WASHC3: variants seen among roughly 807,000 people sequenced by gnomAD.
WASHC3 encodes WASH complex subunit CCDC53.
Under a neutral mutation model 26.1 loss-of-function variants are expected in WASHC3, and 24 were observed. That is an observed-to-expected ratio of 0.92 (90% CI 0.66 to 1.29). WASHC3 has a LOEUF of 1.29. Ranked by LOEUF, WASHC3 falls within the 50% of genes most tolerant of loss-of-function variation. WASHC3 has a pLI of 0.00. For synonymous variants in WASHC3, 77 were observed against 75.7 expected (o/e 1.02, Z -0.09); for missense variants, 214 against 229.6 (o/e 0.93, Z 0.44).
At chr12:102,014,075 CTTTTTTTTTTT>C (rs1189181874) in intron 6 of WASHC3, among the ~76,000 whole-genome samples, 2 of 88,708 alleles carry the variant, frequency 2.3e-5, no homozygotes, top group African/African-American at 4.4e-5. Context: ...ACTGCTACAT[CTTTTTTTTTTT>C]TTTTTTTTTT....
chr12:102,041,490 GA>G (rs2136669091), intron 4 of WASHC3, among the ~76,000 whole-genome samples: 1 of 152,124 alleles, frequency 6.6e-6, no homozygotes, highest in South Asian at 2.1e-4. Flanking sequence ...TCTGAACCAT[GA>G]AATTAAAGTT....
At chr12:102,036,116 T>C (rs2121389388) in intron 5 of WASHC3, among the ~76,000 whole-genome samples, 1 of 152,068 alleles carries the variant, frequency 6.6e-6, no homozygotes, top group East Asian at 1.9e-4. Flanking sequence ...TCCCAGCACT[T>C]TGGGAGGCTG....
At chr12:102,041,622 A>G (rs1244016652) in intron 4 of WASHC3, among the ~76,000 whole-genome samples, 1 of 152,086 alleles carries the variant, frequency 6.6e-6, no homozygotes, top group African/African-American at 2.4e-5. Flanking sequence ...TGAGTTGACT[A>G]TAATGTCAAT....
chr12:102,051,748 A>G (rs987148788), intron 2 of WASHC3, among the ~76,000 whole-genome samples: 7 of 152,240 alleles, frequency 4.6e-5, no homozygotes, highest in African/African-American at 1.4e-4. Flanking sequence ...TGAATGACTA[A>G]GCAAATGATT....
intron 5 of WASHC3, among the ~76,000 whole-genome samples, chr12:102,036,950 T>C (rs1877689088): frequency 6.6e-6 from 1 of 152,236 alleles, no homozygotes; most frequent in East Asian, 1.9e-4. Flanking sequence ...AACAACTATT[T>C]ATTTTCTTAA....
intron 2 of WASHC3, among the ~76,000 whole-genome samples, chr12:102,055,796 A>T (rs1374232788): frequency 6.6e-6 from 1 of 152,170 alleles, no homozygotes; most frequent in Non-Finnish European, 1.5e-5. Flanking sequence ...TTAGATGAGA[A>T]TTTTTTGTTT....
chr12:102,058,566 A>G, intron 2 of WASHC3, among the ~76,000 whole-genome samples: 1 of 152,134 alleles, frequency 6.6e-6, no homozygotes, highest in Non-Finnish European at 1.5e-5. Flanking sequence ...TTTGGAAACC[A>G]TATATGTGAT....
intron 3 of WASHC3, among the ~76,000 whole-genome samples, chr12:102,044,735 T>C (rs1388330746): frequency 6.6e-6 from 1 of 152,234 alleles, no homozygotes; most frequent in African/African-American, 2.4e-5. Flanking sequence ...TTTTTCTTTC[T>C]TTGAACATTC....
intron 6 of WASHC3, among the ~76,000 whole-genome samples, chr12:102,013,431 C>T (rs751457837): frequency 7.2e-5 from 11 of 152,146 alleles, no homozygotes; most frequent in Non-Finnish European, 1.3e-4. Flanking sequence ...TTACATAGTG[C>T]GCTACTTCAG....
At chr12:102,050,206 T>A in intron 2 of WASHC3, 1 of 396,840 alleles carries the variant, frequency 2.5e-6, no homozygotes, top group Non-Finnish European at 5.0e-6. Flanking sequence ...TCCAGCTACT[T>A]GGGGCGCTGA....
At chr12:102,035,975 T>C (rs1030028612) in intron 5 of WASHC3, among the ~76,000 whole-genome samples, 6 of 152,116 alleles carry the variant, frequency 3.9e-5, no homozygotes, top group African/African-American at 1.2e-4. Context: ...AATTTGGACA[T>C]GCAATAATAA....
At chr12:102,017,763 A>G (rs777630275) in intron 6 of WASHC3, 129 of 432,946 alleles carry the variant, frequency 3.0e-4, no homozygotes, top group Non-Finnish European at 5.0e-4. Context: ...CGTCAGCAAC[A>G]CTTGTTATTG....
intron 2 of WASHC3, chr12:102,050,116 C>A: frequency 3.4e-6 from 1 of 292,194 alleles, no homozygotes; most frequent in South Asian, 2.7e-5. Context: ...AGTTCAAGAC[C>A]AGCTTGGGCA....
intron 2 of WASHC3, 115 bp downstream of exon 2, chr12:102,061,133 T>G: frequency 4.1e-5 from 28 of 680,488 alleles, no homozygotes; most frequent in Non-Finnish European, 6.0e-5. Context: ...AATTGGGTGA[T>G]GAGAGGTCAC....
intron 2 of WASHC3, among the ~76,000 whole-genome samples, chr12:102,056,931 C>T (rs1878615664): frequency 6.6e-6 from 1 of 152,104 alleles, no homozygotes. Flanking sequence ...CCAGCATTAT[C>T]CTGATTCCAA....
intron 3 of WASHC3, among the ~76,000 whole-genome samples, 180 bp downstream of exon 3, chr12:102,045,874 G>A (rs1487042327): frequency 6.6e-6 from 1 of 152,176 alleles, no homozygotes; most frequent in Admixed American, 6.5e-5. Flanking sequence ...TGAATTAATG[G>A]TTCATAATGA....
intron 6 of WASHC3, among the ~76,000 whole-genome samples, chr12:102,024,888 G>C (rs12099737): frequency 5.3e-5 from 8 of 152,102 alleles, no homozygotes; most frequent in African/African-American, 1.9e-4. Context: ...TCTGTGTCAG[G>C]AACAATTTCC....
At chr12:102,050,507 G>A (rs1221776165) in intron 2 of WASHC3, 1 of 440,208 alleles carries the variant, frequency 2.3e-6, no homozygotes, top group African/African-American at 2.1e-5. Flanking sequence ...GCCGGGTGTG[G>A]TGACACATGC....
At chr12:102,020,879 C>T (rs996146117) in intron 6 of WASHC3, among the ~76,000 whole-genome samples, 2 of 152,192 alleles carry the variant, frequency 1.3e-5, no homozygotes, top group African/African-American at 4.8e-5. Flanking sequence ...GTGAGGAGTT[C>T]GAGACCAGTC....
Sources: allele counts gnomAD v4.1 joint callset (sites outside exome capture counted in the v4.1 genomes callset), GRCh38; gene constraint gnomAD v4.1.1; transcripts MANE v1.5; gene names NCBI Gene and HGNC (gene_info 2026-07-23, HGNC 2026-07-21).